NLRP7: variants seen among roughly 807,000 people sequenced by gnomAD.
NLRP7 encodes the protein NLR family pyrin domain containing 7, also known as NACHT, LRR and PYD domains-containing protein 7.
Under a neutral mutation model 85.5 loss-of-function variants are expected in NLRP7, and 72 were observed. That is an observed-to-expected ratio of 0.84 (90% CI 0.70 to 1.02). The LOEUF (loss-of-function observed/expected upper bound fraction) is 1.02. NLRP7 is among the 50% of genes least tolerant of loss of function. The pLI is 0.00. For missense variants in NLRP7, 1,243 were observed against 1,219.5 expected (o/e 1.02, Z -0.29); for synonymous variants, 550 against 505.2 (o/e 1.09, Z -1.19).
intron 1 of NLRP7, 22 bp from the exon 2 acceptor site, chr19:54,941,772 C>G (rs1204059413): frequency 6.4e-6 from 10 of 1,554,980 alleles, no homozygotes; most frequent in South Asian, 3.6e-5. Flanking sequence ...AAAGGAAAAA[C>G]AGTTCACGAG....
At chr19:54,938,629 G>C (rs1390610157) in intron 4 of NLRP7, among the ~76,000 whole-genome samples, 1 of 152,208 alleles carries the variant, frequency 6.6e-6, no homozygotes, top group Non-Finnish European at 1.5e-5. Flanking sequence ...GGGAGGCTGA[G>C]GCAGGAGAAT....
At chr19:54,933,581 A>G in exon 8 of NLRP7, 1 of 1,614,222 alleles carries the variant, frequency 6.2e-7, no homozygotes, top group Non-Finnish European at 8.5e-7. Flanking sequence ...CAAGGTCTGC[A>G]GTTTACAATC....
chr19:54,936,358 G>T (rs1420204914), exon 6 of NLRP7: 3 of 1,613,970 alleles, frequency 1.9e-6, no homozygotes, highest in East Asian at 2.2e-5. Context: ...AGGGTCAGGT[G>T]CGTGAGGGTC....
At chr19:54,942,241 G>A in intron 1 of NLRP7, among the ~76,000 whole-genome samples, 1 of 127,110 alleles carries the variant, frequency 7.9e-6, no homozygotes, top group Middle Eastern at 6.0e-3. Context: ...GGGCGACAGA[G>A]CGAGACTCCG....
intron 1 of NLRP7, chr19:54,965,257 C>T (rs1337433031): frequency 1.0e-5 from 1 of 100,152 alleles, no homozygotes; most frequent in African/African-American, 4.6e-5. Flanking sequence ...ACAGGAAGTG[C>T]TCAGCAACGA....
At chr19:54,945,950 C>G (rs1366592888) in intron 1 of NLRP7, among the ~76,000 whole-genome samples, 2 of 151,954 alleles carry the variant, frequency 1.3e-5, no homozygotes, top group South Asian at 2.1e-4. Flanking sequence ...CCACTATGCC[C>G]AGCTAATTTT....
chr19:54,938,822 A>C, intron 4 of NLRP7, 66 bp downstream of exon 4: 2 of 1,565,632 alleles, frequency 1.3e-6, no homozygotes, highest in South Asian at 2.2e-5. Flanking sequence ...TCTGACAGTA[A>C]GCGACAGGGC....
At chr19:54,960,340 G>C (rs1644184333) in intron 1 of NLRP7, among the ~76,000 whole-genome samples, 1 of 151,632 alleles carries the variant, frequency 6.6e-6, no homozygotes, top group South Asian at 2.1e-4. Flanking sequence ...ATTTTTAGTA[G>C]AGACGGGATT....
upstream of NLRP7, among the ~76,000 whole-genome samples, chr19:54,948,422 G>A (rs1425322721): frequency 6.6e-6 from 1 of 152,000 alleles, no homozygotes; most frequent in East Asian, 1.9e-4. Context: ...ATGATGGGCT[G>A]CACCTGTAAT....
exon 5 of NLRP7, chr19:54,938,097 C>T (rs1383972409): frequency 2.5e-6 from 4 of 1,614,064 alleles, no homozygotes; most frequent in Non-Finnish European, 3.4e-6. Context: ...AAAGAATCCG[C>T]ACAGAAGAGT....
At chr19:54,947,326 CA>C (rs55672265) in intron 1 of NLRP7, 142 bp downstream of exon 1, 21,974 of 434,916 alleles carry the variant, frequency 0.051, 2 homozygotes, top group South Asian at 0.097. Context: ...GACTCCGTCT[CA>C]AAAAAAAAAA....
At chr19:54,933,620 T>C in exon 8 of NLRP7, 1 of 1,614,148 alleles carries the variant, frequency 6.2e-7, no homozygotes, top group Non-Finnish European at 8.5e-7. Context: ...ACACAGAAAC[T>C]TCACCCCTGT....
exon 4 of NLRP7, chr19:54,940,372 G>A (rs1221420376): frequency 2.5e-6 from 4 of 1,614,136 alleles, no homozygotes; most frequent in South Asian, 1.1e-5. Context: ...TCAGAGTGAC[G>A]TCGTCATGGA....
chr19:54,952,043 C>T (rs181874242), upstream of NLRP7, among the ~76,000 whole-genome samples: 160 of 152,210 alleles, frequency 1.1e-3, no homozygotes, highest in African/African-American at 3.7e-3. Context: ...TGAGCCACCG[C>T]GCCCGGCCCC....
At chr19:54,935,649 G>A (rs183777071) in intron 6 of NLRP7, among the ~76,000 whole-genome samples, 17 of 150,158 alleles carry the variant, frequency 1.1e-4, no homozygotes, top group Middle Eastern at 6.9e-3. Context: ...ACGAGATCGC[G>A]CCACTGCGCT....
exon 4 of NLRP7, chr19:54,939,300 C>T (rs1356276419): frequency 6.2e-7 from 1 of 1,614,108 alleles, no homozygotes; most frequent in Admixed American, 1.7e-5. Flanking sequence ...AGTCTTTCTT[C>T]TCCGGAAAGC....
rs117323208 is a variant in NLRP7 at position 54,953,563 on chromosome 19, T to C, written c.-76-6058A>G. The stretch of plus-strand genomic sequence containing the variant: ...GGATTTCATTCCTGGGCCGCGGGGC[T>C]GTCTGCTTGTGGATTTCATTCCTGG... On this transcript the variant is annotated intron_variant, in intron 1 of 2. Transcript: ENST00000587103. 1.3e-3 allele frequency among the ~76,000 whole-genome samples: 198 copies of C among 151,984 alleles called. 5 individuals are homozygous for C. In the East Asian group the frequency reaches 0.035, roughly 27 times the overall value.
chr19:54,930,613 A>G, exon 9 of NLRP7: 1 of 1,612,572 alleles, frequency 6.2e-7, no homozygotes, highest in South Asian at 1.1e-5. Flanking sequence ...GGCTTCTTGG[A>G]GCGCCTCTGA....
At chr19:54,960,281 G>A (rs2069996677) in intron 1 of NLRP7, among the ~76,000 whole-genome samples, 1 of 151,348 alleles carries the variant, frequency 6.6e-6, no homozygotes, top group African/African-American at 2.4e-5. Context: ...TCAGCCTCCT[G>A]GGTAGCTGGG....
Sources: gnomAD v4.1 joint callset for allele counts (sites outside exome capture counted in the v4.1 genomes callset) on GRCh38, gnomAD v4.1.1 for gene constraint, MANE v1.5 for transcripts, NCBI Gene and HGNC (gene_info 2026-07-23, HGNC 2026-07-21) for gene names.